The following CLDND1 variants were observed in gnomAD, a reference collection of about 807,000 sequenced individuals.
CLDND1 encodes claudin domain-containing protein 1.
CLDND1 carries 13 observed loss-of-function variants against 26.3 expected under a neutral mutation model. The observed-to-expected ratio is 0.49, with a 90% CI of 0.32 to 0.78. The LOEUF (loss-of-function observed/expected upper bound fraction) is 0.78. Among genes scored for constraint, CLDND1 ranks in the 30% least tolerant of loss-of-function variants. The pLI is 0.03. For synonymous variants in CLDND1, 107 were observed against 107.0 expected (o/e 1.00, Z 0.00); for missense variants, 289 against 312.8 (o/e 0.92, Z 0.57).
intron 3 of CLDND1, among the ~76,000 whole-genome samples, chr3:98,518,097 C>T (rs73144150): frequency 0.11 from 17,462 of 152,164 alleles, 1,272 homozygotes; most frequent in East Asian, 0.26. Context: ...TTCCATTTTC[C>T]AATAATATTC....
rs764053947 is a variant in CLDND1 at position 98,517,033 on chromosome 3, G to A, written c.541+19C>T. 3.1e-6 allele frequency: 5 copies of A among 1,613,648 alleles called. No individual in the cohort carries two copies. The highest frequency in any genetic ancestry group is 2.5e-6 in the Non-Finnish European group (3 of 1,179,862). On this transcript the variant is annotated intron_variant, in intron 4 of 4. Transcript: ENST00000341181. ...GAGACAGGAAGAAGCTAAAAGGTAAGTATGATGACAAAACCTACCTGCAAG... is the reference window on the plus strand; with the variant it reads ...GAGACAGGAAGAAGCTAAAAGGTAAATATGATGACAAAACCTACCTGCAAG...
At chr3:98,517,964 G>A (rs1049844873) in intron 3 of CLDND1, among the ~76,000 whole-genome samples, 2 of 152,296 alleles carry the variant, frequency 1.3e-5, no homozygotes, top group South Asian at 4.1e-4. Context: ...TAAATGACCT[G>A]TCTTATAGGG....
At chr3:98,521,713 A>C (rs1369045389) in intron 1 of CLDND1, 1 of 1,610,846 alleles carries the variant, frequency 6.2e-7, no homozygotes. Flanking sequence ...ACTAAAACAG[A>C]CAACACTGAA....
At chr3:98,521,602 G>T in intron 1 of CLDND1, 160 bp from the exon 2 acceptor site, 1 of 1,547,452 alleles carries the variant, frequency 6.5e-7, no homozygotes, top group East Asian at 2.2e-5. Context: ...TTTTAATTAA[G>T]CTTAAAACAA....
chr3:98,522,605 C>A (rs1185505629), intron 1 of CLDND1: 2 of 1,387,948 alleles, frequency 1.4e-6, no homozygotes, highest in Admixed American at 6.8e-5. Context: ...GCAGCCACCT[C>A]CTGGGCCTCA....
chr3:98,517,108 C>A lies in CLDND1; in HGVS notation c.485G>T (p.Cys162Phe). 1 of 1,614,114 alleles carries A rather than the reference C, an allele frequency of 6.2e-7. No individual in the cohort carries two copies. ...GGTGGGATATAAGCTTCGGCAAATG[C>A]AAGCACAAAGTCCGATCAAAGCCCC... ...CFGALIGLCA[C>F]ICRSLYPTIA... The change falls in exon 4 of 5, where the codon TGC becomes TTC. Residue 162 changes from cysteine to phenylalanine, a missense_variant. Transcript: ENST00000341181.
Position 98,516,108 on chromosome 3 carries a change from T to C in CLDND1, c.*551A>G. On this transcript the variant is annotated 3_prime_UTR_variant, in exon 5 of 5. Transcript: ENST00000341181. ...ACAGTGCAGATACAAACAGCTGCCA[T>C]ATCTCACCTCAGATGAAGCTATGTG... The C allele has an allele frequency of 3.7e-6, 4 of 1,083,906 alleles. No individual in the cohort carries two copies. The highest frequency in any genetic ancestry group is 4.5e-6 in the Non-Finnish European group (4 of 883,706). 67.1% of individuals were successfully genotyped at this position (1,083,906 alleles called of 1,614,324 possible). A position where few individuals can be genotyped will look rare whatever the true frequency, so the allele number is the denominator to read the frequency against.
intron 3 of CLDND1, among the ~76,000 whole-genome samples, chr3:98,518,203 ACTTT>A (rs1452682402): frequency 6.6e-6 from 1 of 152,122 alleles, no homozygotes; most frequent in Non-Finnish European, 1.5e-5. Context: ...TTTCTAACTT[ACTTT>A]CTTTCAAACT....
chr3:98,521,058 AATTGGGCAATC>A, intron 2 of CLDND1, 64 bp downstream of exon 2: 1 of 1,275,962 alleles, frequency 7.8e-7, no homozygotes, highest in Non-Finnish European at 1.1e-6. Flanking sequence ...GCTTACATGT[AATTGGGCAATC>A]ATTACGTCGT....
At position 98,516,783 on chromosome 3, in the gene CLDND1, C is replaced by T. The variant is rs769150314; in HGVS notation, c.638G>A (p.Gly213Glu). 6.2e-7 allele frequency: 1 copy of T among 1,614,092 alleles called. No individual in the cohort carries two copies. Among genetic ancestry groups the T allele is most frequent in the East Asian group, 2.2e-5 (1 of 44,882 alleles). Residue 213 changes from glycine to glutamate, a missense_variant, in exon 5 of 5, where the codon GGA becomes GAA. Coordinates refer to ENST00000341181, the MANE Select transcript of CLDND1 (RefSeq NM_001040181.2). Reference protein sequence around the residue: ...ELPDNVSGEFGWSFCLACVSA... With the variant: ...ELPDNVSGEFEWSFCLACVSA... ...GACACAAGCCAGGCAGAAGGACCAT[C>T]CAAATTCACCGGATACATTGTCAGG...
In CLDND1 at chr3:98,515,640, T is replaced by C. The variant is rs1706105181; in HGVS notation, c.*1019A>G. 3 of 1,147,080 alleles carry C rather than the reference T, an allele frequency of 2.6e-6. No individual in the cohort carries two copies. The highest frequency in any genetic ancestry group is 3.3e-6 in the Non-Finnish European group (3 of 914,496). 71.1% of individuals were successfully genotyped at this position (1,147,080 alleles called of 1,614,324 possible). On this transcript the variant is annotated 3_prime_UTR_variant, in exon 5 of 5. Coordinates refer to ENST00000341181, the MANE Select transcript of CLDND1 (RefSeq NM_001040181.2). ...GTTTATAGACATACTTATAAAAAAA[T>C]GACTGAATTAGAAGACATTAAATAA...
At chr3:98,517,366 A>G in intron 3 of CLDND1, 177 bp from the exon 4 acceptor site, 1 of 689,788 alleles carries the variant, frequency 1.4e-6, no homozygotes, top group Middle Eastern at 4.1e-4. Context: ...TTGTCCTGAT[A>G]AAAGTAAAAG....
In CLDND1 at chr3:98,516,858, A is replaced by T. The variant is rs780932391; in HGVS notation, c.563T>A (p.Val188Glu). ...LLAGLCTLGS[V>E]SCYVAGIELL... ...TTCAATTCCAGCAACATAACAACTT[A>T]CTGAGCCCAGTGTACACAGACCTTG... Residue 188 changes from valine to glutamate, a missense_variant, in exon 5 of 5, where the codon GTA (valine) becomes GAA (glutamate). Coordinates refer to ENST00000341181, the MANE Select transcript of CLDND1 (RefSeq NM_001040181.2). The T allele has an allele frequency of 8.7e-6, 14 of 1,614,174 alleles. No individual in the cohort carries two copies. Among genetic ancestry groups the T allele is most frequent in the Non-Finnish European group, 1.2e-5 (14 of 1,180,014 alleles).
At chr3:98,517,433 T>C (rs1706192471) in intron 3 of CLDND1, 2 of 448,260 alleles carry the variant, frequency 4.5e-6, no homozygotes, top group African/African-American at 2.0e-5. Context: ...GCTATGTTTG[T>C]CTACACATTT....
At chr3:98,521,655 A>T in intron 1 of CLDND1, 1 of 1,611,370 alleles carries the variant, frequency 6.2e-7, no homozygotes, top group Non-Finnish European at 8.5e-7. Context: ...TCACATACCC[A>T]GGATGCTACG....
rs1347465306 is a variant in CLDND1, at chr3:98,516,215, G to GT, written c.*443dup. ...TTTGAAAACAGCACTAATACTGCTG[G>GT]TTGACTGGCTATCTACAACAGCAAA... On this transcript the variant is annotated 3_prime_UTR_variant, in exon 5 of 5. Coordinates refer to ENST00000341181, the MANE Select transcript of CLDND1 (RefSeq NM_001040181.2). 9.6e-7 allele frequency: 1 copy of GT among 1,037,146 alleles called. No homozygotes were observed. The highest frequency in any genetic ancestry group is 1.2e-6 in the Non-Finnish European group (1 of 861,634). The allele number at this position is 1,037,146 out of a possible 1,614,324, so 64.2% of individuals were successfully genotyped here.
chr3:98,521,779 C>T, intron 1 of CLDND1: 1 of 1,238,336 alleles, frequency 8.1e-7, no homozygotes, highest in South Asian at 1.2e-5. Flanking sequence ...CAGCAGTGTA[C>T]CGTGCACACA....
intron 1 of CLDND1, chr3:98,521,755 G>C (rs1253483903): frequency 1.4e-6 from 2 of 1,473,510 alleles, no homozygotes; most frequent in South Asian, 2.3e-5. Flanking sequence ...ACAAACAATA[G>C]ACATGCCCAT....
At position 98,521,130 on chromosome 3, in the gene CLDND1, T is replaced by C. The variant is rs1204370436; in HGVS notation, c.292+3A>G. The stretch of plus-strand genomic sequence containing the variant: ...AAGACAGAAGTTAAAATAAGAGAAA[T>C]ACCTGTCCTTTCTGGTGGGCTATAC... On this transcript the variant is annotated splice_donor_region_variant and intron_variant, in intron 2 of 4. Transcript: ENST00000341181. The C allele has an allele frequency of 6.2e-7, 1 of 1,606,348 alleles. No individual in the cohort carries two copies. The highest frequency in any genetic ancestry group is 8.5e-7 in the Non-Finnish European group (1 of 1,174,076).
Sources: allele counts gnomAD v4.1 joint callset (sites outside exome capture counted in the v4.1 genomes callset), GRCh38; gene constraint gnomAD v4.1.1; transcripts MANE v1.5; gene names NCBI Gene and HGNC (gene_info 2026-07-23, HGNC 2026-07-21).